NKAIN3: variants seen among roughly 807,000 people sequenced by gnomAD.
NKAIN3 encodes sodium/potassium-transporting ATPase subunit beta-1-interacting protein 3.
A neutral mutation model predicts 30.2 loss-of-function variants in NKAIN3; 25 were observed. The ratio of observed to expected loss-of-function variants is 0.83; its 90% CI spans 0.60 to 1.16. The LOEUF (loss-of-function observed/expected upper bound fraction) is 1.16. Ranked by LOEUF, NKAIN3 falls within the 50% of genes most tolerant of loss-of-function variation. The probability of loss-of-function intolerance (pLI) is 0.00; values close to 1 mark genes in which losing one functional copy is unlikely to be tolerated. For missense variants in NKAIN3, 225 were observed against 254.1 expected, an observed-to-expected ratio of 0.89 and a Z score of 0.78; for synonymous variants, 91 against 89.6, an observed-to-expected ratio of 1.02 and a Z score of -0.09.
intron 5 of NKAIN3, among the ~76,000 whole-genome samples, chr8:62,932,912 G>A (rs766323794): frequency 6.6e-6 from 1 of 150,938 alleles, no homozygotes; most frequent in African/African-American, 2.4e-5. Flanking sequence ...ACATTTATAG[G>A]CATCCAGTGG....
At chr8:62,697,007 T>C (rs1382216778) in intron 3 of NKAIN3, among the ~76,000 whole-genome samples, 2 of 152,200 alleles carry the variant, frequency 1.3e-5, no homozygotes, top group African/African-American at 4.8e-5. Context: ...GTTAAATTGC[T>C]TCCTTTTTGC....
At chr8:62,882,725 C>T (rs1207317935) in intron 4 of NKAIN3, among the ~76,000 whole-genome samples, 3 of 152,036 alleles carry the variant, frequency 2.0e-5, no homozygotes, top group Non-Finnish European at 4.4e-5. Context: ...GTCTATAATG[C>T]ATTTTGAATT....
intron 4 of NKAIN3, among the ~76,000 whole-genome samples, chr8:62,759,122 A>G (rs1279536584): frequency 6.6e-6 from 1 of 152,190 alleles, no homozygotes; most frequent in Non-Finnish European, 1.5e-5. Flanking sequence ...CCATAAAACA[A>G]TAACCACATC....
At chr8:62,887,719 C>T (rs1821191061) in intron 4 of NKAIN3, among the ~76,000 whole-genome samples, 1 of 152,172 alleles carries the variant, frequency 6.6e-6, no homozygotes, top group Non-Finnish European at 1.5e-5. Flanking sequence ...TTATCTCTAG[C>T]ATTTCCTTTT....
At chr8:62,412,877 A>G (rs2129596018) in intron 1 of NKAIN3, among the ~76,000 whole-genome samples, 1 of 145,544 alleles carries the variant, frequency 6.9e-6, no homozygotes, top group South Asian at 2.2e-4. Context: ...GCACCACTGC[A>G]CTGCAGCCTG....
intron 4 of NKAIN3, among the ~76,000 whole-genome samples, chr8:62,799,744 A>G (rs1204331414): frequency 2.0e-5 from 3 of 152,228 alleles, no homozygotes; most frequent in Non-Finnish European, 4.4e-5. Flanking sequence ...ATACTTGCAC[A>G]TGCATGTTTA....
intron 1 of NKAIN3, among the ~76,000 whole-genome samples, chr8:62,467,251 C>T (rs189208255): frequency 2.6e-5 from 4 of 152,300 alleles, no homozygotes; most frequent in Admixed American, 2.0e-4. Context: ...TTTCCTCATA[C>T]TATTTCATTG....
At chr8:62,959,865 A>T (rs1175245065) in intron 6 of NKAIN3, among the ~76,000 whole-genome samples, 1 of 152,108 alleles carries the variant, frequency 6.6e-6, no homozygotes, top group East Asian at 1.9e-4. Flanking sequence ...TGCAGCTGTA[A>T]AGCACTCAGC....
At position 62,711,370 on chromosome 8, in the gene NKAIN3, G is replaced by A. The variant is rs185701227; in HGVS notation, c.274-35562G>A. Among the ~76,000 whole-genome samples the A allele has an allele frequency of 2.8e-3, 422 of 152,140 alleles. 3 individuals carry two copies. The highest frequency in any genetic ancestry group is 9.2e-3 in the African/African-American group (383 of 41,508). On this transcript the variant is annotated intron_variant, in intron 3 of 6. Coordinates refer to ENST00000623646, the MANE Select transcript of NKAIN3 (RefSeq NM_001304533.3). Reference sequence around the variant, plus strand: ...AATTCTCTTTTTCCTCAGGAACACCGATTATTCTTAGGTTTGGTCATTTAA... The same window carrying A: ...AATTCTCTTTTTCCTCAGGAACACCAATTATTCTTAGGTTTGGTCATTTAA...
At chr8:62,632,374 C>A (rs991475150) in intron 3 of NKAIN3, among the ~76,000 whole-genome samples, 4 of 152,054 alleles carry the variant, frequency 2.6e-5, no homozygotes, top group Admixed American at 1.3e-4. Context: ...TATCAAGATA[C>A]CTTTTACATA....
At chr8:62,855,563 C>G (rs1820037175) in intron 4 of NKAIN3, 10 of 1,560,052 alleles carry the variant, frequency 6.4e-6, no homozygotes, top group Non-Finnish European at 8.8e-6. Context: ...GGAGTCCAAT[C>G]TTTTATTCAT....
chr8:62,336,123 G>A (rs186770907), intron 1 of NKAIN3, among the ~76,000 whole-genome samples: 1 of 152,142 alleles, frequency 6.6e-6, no homozygotes, highest in Non-Finnish European at 1.5e-5. Flanking sequence ...TTTGCCCTGA[G>A]GTCATTTGTA....
chr8:62,993,829 G>T (rs1804036822), intron 5 of NKAIN3, among the ~76,000 whole-genome samples: 1 of 152,186 alleles, frequency 6.6e-6, no homozygotes, highest in Admixed American at 6.6e-5. Context: ...TAAGGGGGTA[G>T]AAGTAACTAC....
chr8:62,413,334 G>T (rs1448179289), intron 1 of NKAIN3, among the ~76,000 whole-genome samples: 2 of 152,086 alleles, frequency 1.3e-5, no homozygotes, highest in Admixed American at 1.3e-4. Context: ...TCTGGAGTGT[G>T]GTATATTCTA....
chr8:62,373,329 G>T (rs928387585), intron 1 of NKAIN3, among the ~76,000 whole-genome samples: 1 of 152,142 alleles, frequency 6.6e-6, no homozygotes, highest in African/African-American at 2.4e-5. Context: ...TTACTTTTAA[G>T]ATTTCTAGGC....
chr8:62,429,405 A>G (rs1221938295), intron 1 of NKAIN3, among the ~76,000 whole-genome samples: 1 of 151,914 alleles, frequency 6.6e-6, no homozygotes, highest in Non-Finnish European at 1.5e-5. Flanking sequence ...GTGATTTATT[A>G]CAGTTCTTAT....
At chr8:62,525,492 C>A (rs117140872) in intron 1 of NKAIN3, among the ~76,000 whole-genome samples, 1,523 of 152,214 alleles carry the variant, frequency 0.01, 14 homozygotes, top group Non-Finnish European at 0.017. Context: ...TGAAAACATG[C>A]GGTATTTGGT....
At chr8:62,741,362 A>AGAAGGACGGAAGGAAGGAAG (rs1429910797) in intron 3 of NKAIN3, among the ~76,000 whole-genome samples, 1 of 137,948 alleles carries the variant, frequency 7.2e-6, no homozygotes. Context: ...AGAGAGAGAA[A>AGAAGGACGGAAGGAAGGAAG]GAAGGAAGGA....
At chr8:62,668,111 TACACAC>T (rs5891867) in intron 3 of NKAIN3, among the ~76,000 whole-genome samples, 6 of 149,026 alleles carry the variant, frequency 4.0e-5, no homozygotes, top group Non-Finnish European at 7.5e-5. Context: ...CACACACACA[TACACAC>T]ACACACACAC....
Sources: gnomAD v4.1 joint callset for allele counts (sites outside exome capture counted in the v4.1 genomes callset) on GRCh38, gnomAD v4.1.1 for gene constraint, MANE v1.5 for transcripts, NCBI Gene and HGNC (gene_info 2026-07-23, HGNC 2026-07-21) for gene names.